Variants in ATRNL1 observed in about 807,000 individuals in gnomAD.
The protein encoded by ATRNL1 is attractin-like protein 1.
In ATRNL1, 95 loss-of-function variants were observed where a neutral mutation model predicts 182.7. The ratio of observed to expected loss-of-function variants is 0.52; its 90% CI spans 0.44 to 0.62. The LOEUF (loss-of-function observed/expected upper bound fraction) is 0.62. Among genes scored for constraint, ATRNL1 ranks in the 20% least tolerant of loss-of-function variants. The pLI, the probability that ATRNL1 is intolerant of heterozygous loss-of-function variation, is 0.00. For missense variants in ATRNL1, 1,471 were observed against 1,679.5 expected (o/e 0.88, Z 2.17); for synonymous variants, 576 against 568.3 (o/e 1.01, Z -0.19).
chr10:115,362,062 C>G (rs2134159952), intron 19 of ATRNL1, among the ~76,000 whole-genome samples: 1 of 152,004 alleles, frequency 6.6e-6, no homozygotes, highest in East Asian at 1.9e-4. Flanking sequence ...ATGGCCTTTT[C>G]TAAATTGCAA....
intron 28 of ATRNL1, among the ~76,000 whole-genome samples, chr10:115,912,215 A>G (rs1448347726): frequency 2.0e-5 from 3 of 152,192 alleles, no homozygotes; most frequent in Admixed American, 2.0e-4. Flanking sequence ...TTGATTGTTG[A>G]TTATAGGAAA....
rs1237855920 is a variant in ATRNL1, at chr10:115,287,510, A to G, written c.2415+1113A>G. On this transcript the variant is annotated intron_variant, in intron 15 of 28. Transcript: ENST00000355044. ...TAGTTAATATTGAAACTGATTGTGG[A>G]AAAATGTCTTAATTTTTCTATGGTA... Among the ~76,000 whole-genome samples, 3 of 152,112 alleles carry G rather than the reference A, an allele frequency of 2.0e-5. No individual in the cohort carries two copies. In the East Asian group the frequency reaches 5.8e-4, roughly 29 times the overall value.
chr10:115,448,437 G>A (rs1554967041), intron 21 of ATRNL1, among the ~76,000 whole-genome samples: 1 of 152,110 alleles, frequency 6.6e-6, no homozygotes, highest in Non-Finnish European at 1.5e-5. Flanking sequence ...GATAAATAAT[G>A]AAATTAAGGG....
intron 5 of ATRNL1, among the ~76,000 whole-genome samples, chr10:115,135,564 T>C (rs1845467984): frequency 6.6e-6 from 1 of 152,184 alleles, no homozygotes; most frequent in African/African-American, 2.4e-5. Context: ...GAACATTCCA[T>C]ACTCATGGAT....
At chr10:115,683,548 G>GT (rs59383182) in intron 26 of ATRNL1, among the ~76,000 whole-genome samples, 3,222 of 110,920 alleles carry the variant, frequency 0.029, 237 homozygotes, top group African/African-American at 0.093. Context: ...GAGAACTAGC[G>GT]TTTTTTTTTT....
chr10:115,171,352 A>C, intron 8 of ATRNL1, 60 bp downstream of exon 8: 1 of 1,412,194 alleles, frequency 7.1e-7, no homozygotes, highest in African/African-American at 1.4e-5. Flanking sequence ...TCTTTAATAA[A>C]ATCTTCATAT....
chr10:115,743,994 A>G (rs1555068482), intron 27 of ATRNL1, among the ~76,000 whole-genome samples: 1 of 13,478 alleles, frequency 7.4e-5, no homozygotes, highest in African/African-American at 8.1e-5. Flanking sequence ...TATGTATTCA[A>G]CATGAATAAA....
chr10:115,554,054 C>G (rs763765847), intron 26 of ATRNL1, among the ~76,000 whole-genome samples: 1 of 151,456 alleles, frequency 6.6e-6, no homozygotes, highest in African/African-American at 2.4e-5. Context: ...TGCCTGCAAC[C>G]TTTTGTAGAA....
intron 26 of ATRNL1, among the ~76,000 whole-genome samples, chr10:115,687,994 T>A (rs1235315638): frequency 6.6e-6 from 1 of 152,112 alleles, no homozygotes; most frequent in African/African-American, 2.4e-5. Context: ...TCCCAGAGTC[T>A]GGTATCTATG....
chr10:115,137,332 T>C (rs1338602936), intron 5 of ATRNL1, among the ~76,000 whole-genome samples: 1 of 152,242 alleles, frequency 6.6e-6, no homozygotes, highest in East Asian at 1.9e-4. Context: ...AGAATTCTCA[T>C]TGTAATAGAA....
chr10:115,097,085 TATATAA>T (rs1450153780), intron 1 of ATRNL1, among the ~76,000 whole-genome samples: 1 of 152,126 alleles, frequency 6.6e-6, no homozygotes, highest in Non-Finnish European at 1.5e-5. Flanking sequence ...TATATAAATT[TATATAA>T]ATATAAAGAG....
At chr10:115,764,549 G>T (rs1346372138) in intron 27 of ATRNL1, among the ~76,000 whole-genome samples, 1 of 152,116 alleles carries the variant, frequency 6.6e-6, no homozygotes, top group Non-Finnish European at 1.5e-5. Flanking sequence ...TTTCCAGAAT[G>T]TAATATAGTT....
intron 26 of ATRNL1, among the ~76,000 whole-genome samples, chr10:115,690,811 G>A (rs1946367347): frequency 6.6e-6 from 1 of 152,130 alleles, no homozygotes; most frequent in African/African-American, 2.4e-5. Context: ...CCTCTTTCTG[G>A]AGCAATGTCC....
chr10:115,884,242 A>G (rs1951892511), intron 28 of ATRNL1, among the ~76,000 whole-genome samples: 1 of 152,212 alleles, frequency 6.6e-6, no homozygotes, highest in Admixed American at 6.5e-5. Flanking sequence ...AAGCCCTTAT[A>G]AACAGAATCC....
chr10:115,685,273 T>C (rs1442428447), intron 26 of ATRNL1, among the ~76,000 whole-genome samples: 1 of 151,778 alleles, frequency 6.6e-6, no homozygotes, highest in Non-Finnish European at 1.5e-5. Flanking sequence ...CAATTATTCA[T>C]CTTTATTTCT....
chr10:115,421,912 C>T (rs1161481032), intron 20 of ATRNL1, among the ~76,000 whole-genome samples: 1 of 152,094 alleles, frequency 6.6e-6, no homozygotes, highest in African/African-American at 2.4e-5. Context: ...ACTATCTAGT[C>T]TTCAATGAAG....
rs1011403032 is a variant in ATRNL1 at position 115,093,766 on chromosome 10, C to T, written c.16C>T (p.Arg6Trp). Reference sequence around the variant, plus strand: ...GCCGGGGAAGATGGAGACTGGGGGCCGGGCCCGCACTGGTACCCCGCAGCC... The same window carrying T: ...GCCGGGGAAGATGGAGACTGGGGGCTGGGCCCGCACTGGTACCCCGCAGCC... METGGRARTGTPQPAA... is the reference protein window; with the variant it reads METGGWARTGTPQPAA... The change falls in exon 1 of 29, where the codon CGG (arginine) becomes TGG (tryptophan). Residue 6 changes from arginine (R) to tryptophan (W), a missense_variant. Transcript: ENST00000355044. This position sits in a 1 kb window ranked among gnomAD's most constrained non-coding sequence, Gnocchi z 6.1. The T allele has an allele frequency of 2.6e-5, 36 of 1,408,418 alleles. No homozygotes were observed. Among genetic ancestry groups the T allele is most frequent in the African/African-American group, 3.0e-5 (2 of 65,582 alleles). The allele number at this position is 1,408,418 out of a possible 1,614,324, so 87.2% of individuals were successfully genotyped here.
At chr10:115,329,917 C>T (rs1463654122) in intron 18 of ATRNL1, among the ~76,000 whole-genome samples, 1 of 152,068 alleles carries the variant, frequency 6.6e-6, no homozygotes. Flanking sequence ...TGCCATATTG[C>T]TACTTGTTTT....
chr10:115,245,910 C>T (rs970157593), intron 10 of ATRNL1, among the ~76,000 whole-genome samples: 4 of 152,160 alleles, frequency 2.6e-5, no homozygotes, highest in African/African-American at 9.7e-5. Flanking sequence ...AATCATCACA[C>T]ATTTCTTTCA....
Sources: gnomAD v4.1 joint callset for allele counts (sites outside exome capture counted in the v4.1 genomes callset) on GRCh38, gnomAD v4.1.1 for gene constraint, Gnocchi (gnomAD v3.1) non-coding constraint, MANE v1.5 for transcripts, NCBI Gene and HGNC (gene_info 2026-07-23, HGNC 2026-07-21) for gene names.